The following VAT1L variants were observed in gnomAD, a reference collection of about 807,000 sequenced individuals.
VAT1L encodes putative NADPH-dependent quinone oxidoreductase VAT1L.
In VAT1L, 34 loss-of-function variants were observed where a neutral mutation model predicts 44.1. The observed-to-expected ratio is 0.77, with a 90% CI of 0.59 to 1.03. The LOEUF (loss-of-function observed/expected upper bound fraction) is 1.03, where lower values mean the gene tolerates loss of function less well. Among genes scored for constraint, VAT1L ranks in the 50% least tolerant of loss-of-function variants. The pLI is 0.00. For missense variants in VAT1L, 615 were observed against 538.8 expected, an observed-to-expected ratio of 1.14 and a Z score of -1.40; for synonymous variants, 253 against 202.2, an observed-to-expected ratio of 1.25 and a Z score of -2.13.
intron 7 of VAT1L, among the ~76,000 whole-genome samples, chr16:77,919,473 A>C (rs75562468): frequency 0.041 from 6,312 of 152,168 alleles, 457 homozygotes; most frequent in African/African-American, 0.14. Flanking sequence ...GAACTGAAAA[A>C]CACCACCCGC....
At chr16:77,974,320 G>A (rs1382960800) in intron 8 of VAT1L, among the ~76,000 whole-genome samples, 3 of 152,172 alleles carry the variant, frequency 2.0e-5, no homozygotes, top group Non-Finnish European at 4.4e-5. Context: ...AAGGCAGACA[G>A]GCTCTAGGCC....
chr16:77,877,196 G>T (rs1000079881), intron 5 of VAT1L, among the ~76,000 whole-genome samples: 1 of 152,026 alleles, frequency 6.6e-6, no homozygotes, highest in African/African-American at 2.4e-5. Flanking sequence ...TCTGTCATAG[G>T]CATGCAAACC....
At chr16:77,902,278 G>A (rs569000514) in intron 7 of VAT1L, among the ~76,000 whole-genome samples, 2 of 152,322 alleles carry the variant, frequency 1.3e-5, no homozygotes, top group East Asian at 1.9e-4. Flanking sequence ...TCATTTCTGA[G>A]TAATTAACCT....
At position 77,928,976 on chromosome 16, in the gene VAT1L, G is replaced by A. The variant is rs7499305; in HGVS notation, c.1078-42874G>A. On this transcript the variant is annotated intron_variant, in intron 7 of 8. Coordinates refer to ENST00000302536, the MANE Select transcript of VAT1L (RefSeq NM_020927.3). ...CTACAGGTGCGCACCACCATGCCCC[G>A]GTAAAAGTTTTTGTATTTTTAGTAG... is the stretch of plus-strand genomic sequence containing the variant. Among the ~76,000 whole-genome samples, 10 of 152,004 alleles carry A rather than the reference G, an allele frequency of 6.6e-5. No individual in the cohort carries two copies. The South Asian group carries it at 8.3e-4, about 13-fold the overall frequency.
chr16:77,812,556 CA>C (rs746919378), intron 1 of VAT1L, among the ~76,000 whole-genome samples: 1 of 152,130 alleles, frequency 6.6e-6, no homozygotes, highest in Non-Finnish European at 1.5e-5. Context: ...ATCTGAGGCT[CA>C]ATGTTCACAT....
intron 7 of VAT1L, among the ~76,000 whole-genome samples, chr16:77,956,956 C>G (rs2018110557): frequency 6.6e-6 from 1 of 152,138 alleles, no homozygotes; most frequent in Admixed American, 6.5e-5. Context: ...TCCTTAGGTA[C>G]TAAAAATACC....
At chr16:77,853,933 G>T (rs962201611) in intron 3 of VAT1L, among the ~76,000 whole-genome samples, 2 of 151,986 alleles carry the variant, frequency 1.3e-5, no homozygotes, top group Non-Finnish European at 2.9e-5. Flanking sequence ...TTCGAGACCA[G>T]CCTGGCCAGC....
intron 8 of VAT1L, among the ~76,000 whole-genome samples, chr16:77,972,729 C>T (rs1210113957): frequency 6.6e-6 from 1 of 151,220 alleles, no homozygotes; most frequent in Non-Finnish European, 1.5e-5. Flanking sequence ...TGCAGTAAGC[C>T]GTGATTGCGT....
At chr16:77,841,504 A>G (rs1258371904) in intron 3 of VAT1L, among the ~76,000 whole-genome samples, 6 of 152,134 alleles carry the variant, frequency 3.9e-5, no homozygotes, top group African/African-American at 1.4e-4. Flanking sequence ...CACCCTCCTA[A>G]TGGTAGTCAT....
At chr16:77,882,763 C>T (rs1180812409) in intron 6 of VAT1L, among the ~76,000 whole-genome samples, 2 of 152,200 alleles carry the variant, frequency 1.3e-5, no homozygotes, top group African/African-American at 4.8e-5. Flanking sequence ...TCTATATTTG[C>T]TGTATTTCCC....
chr16:77,880,432 T>A (rs573824287), intron 6 of VAT1L, among the ~76,000 whole-genome samples: 1 of 152,026 alleles, frequency 6.6e-6, no homozygotes, highest in African/African-American at 2.4e-5. Context: ...AGTGCTGGAA[T>A]TATAGGTGTG....
chr16:77,848,829 G>A (rs2016781426), intron 3 of VAT1L, among the ~76,000 whole-genome samples: 2 of 152,018 alleles, frequency 1.3e-5, no homozygotes, highest in Non-Finnish European at 2.9e-5. Flanking sequence ...ATAAAATGTG[G>A]CACATATACA....
At chr16:77,890,979 A>G (rs1030526269) in intron 7 of VAT1L, among the ~76,000 whole-genome samples, 2 of 151,628 alleles carry the variant, frequency 1.3e-5, no homozygotes, top group Admixed American at 6.6e-5. Context: ...ATAAAAGTCT[A>G]TGGCTACACT....
chr16:77,923,679 G>A (rs1475530782), intron 7 of VAT1L, among the ~76,000 whole-genome samples: 1 of 152,200 alleles, frequency 6.6e-6, no homozygotes, highest in African/African-American at 2.4e-5. Flanking sequence ...TGTAAAGTGA[G>A]GGAGATGGAC....
intron 1 of VAT1L, among the ~76,000 whole-genome samples, chr16:77,805,025 G>A (rs1173988128): frequency 1.3e-5 from 2 of 152,166 alleles, no homozygotes; most frequent in Non-Finnish European, 2.9e-5. Context: ...ACAGGGTTAT[G>A]TGGAACTGGT....
intron 7 of VAT1L, among the ~76,000 whole-genome samples, chr16:77,914,330 A>G (rs1325990177): frequency 3.3e-5 from 5 of 152,216 alleles, no homozygotes; most frequent in Non-Finnish European, 7.3e-5. Flanking sequence ...GTATGCATTC[A>G]TTGTACCTGT....
intron 8 of VAT1L, among the ~76,000 whole-genome samples, chr16:77,976,325 G>C (rs1251689897): frequency 6.6e-6 from 1 of 152,196 alleles, no homozygotes; most frequent in Non-Finnish European, 1.5e-5. Context: ...TCCAGTTAGG[G>C]AATTCTGCAA....
intron 3 of VAT1L, among the ~76,000 whole-genome samples, chr16:77,847,543 G>C (rs750801073): frequency 2.0e-5 from 3 of 152,166 alleles, no homozygotes; most frequent in Non-Finnish European, 4.4e-5. Flanking sequence ...TCAGAGTGTG[G>C]ACATGATAGA....
chr16:77,813,522 C>G (rs1205796195), intron 1 of VAT1L, among the ~76,000 whole-genome samples: 1 of 152,188 alleles, frequency 6.6e-6, no homozygotes, highest in Non-Finnish European at 1.5e-5. Flanking sequence ...GAGACTGGAC[C>G]TCTCCTCATT....
Sources: gnomAD v4.1 joint callset for allele counts (sites outside exome capture counted in the v4.1 genomes callset) on GRCh38, gnomAD v4.1.1 for gene constraint, MANE v1.5 for transcripts, NCBI Gene and HGNC (gene_info 2026-07-23, HGNC 2026-07-21) for gene names.